DNAH6: variants seen among roughly 807,000 people sequenced by gnomAD.
The protein encoded by DNAH6 is dynein axonemal heavy chain 6.
DNAH6 carries 340 observed loss-of-function variants against 491.4 expected under a neutral mutation model. That is an observed-to-expected ratio of 0.69 (90% CI 0.63 to 0.76). The LOEUF (loss-of-function observed/expected upper bound fraction) is 0.76. Among genes scored for constraint, DNAH6 ranks in the 30% least tolerant of loss-of-function variants. The probability of loss-of-function intolerance (pLI) is 0.00; values close to 1 mark genes in which losing one functional copy is unlikely to be tolerated. For missense variants in DNAH6, 4,443 were observed against 4,972.2 expected, an observed-to-expected ratio of 0.89 and a Z score of 3.20; for synonymous variants, 1,603 against 1,686.1, an observed-to-expected ratio of 0.95 and a Z score of 1.21.
At chr2:84,690,620 C>T (rs1163030859) in intron 45 of DNAH6, among the ~76,000 whole-genome samples, 4 of 152,122 alleles carry the variant, frequency 2.6e-5, no homozygotes, top group African/African-American at 4.8e-5. Context: ...ATATTATGGA[C>T]GGAAATTAAA....
At chr2:84,697,230 A>G (rs112417712) in intron 46 of DNAH6, among the ~76,000 whole-genome samples, 6 of 152,340 alleles carry the variant, frequency 3.9e-5, no homozygotes, top group South Asian at 2.1e-4. Flanking sequence ...CATCAGCTCA[A>G]TGGTGCATTC....
chr2:84,703,934 A>G, intron 50 of DNAH6, 133 bp from the exon 51 acceptor site: 1 of 684,104 alleles, frequency 1.5e-6, no homozygotes, highest in East Asian at 2.7e-5. Flanking sequence ...AGAGCATAAA[A>G]TGCAATCTAG....
chr2:84,718,529 C>A, intron 59 of DNAH6, 145 bp downstream of exon 59: 2 of 550,844 alleles, frequency 3.6e-6, no homozygotes, highest in Non-Finnish European at 5.8e-6. Flanking sequence ...GCCTGCCTGT[C>A]AGGGCTCCTT....
chr2:84,470,620 A>G, the DNAH6 span, among the ~76,000 whole-genome samples: 1 of 152,120 alleles, frequency 6.6e-6, no homozygotes, highest in Non-Finnish European at 1.5e-5. Flanking sequence ...CAGCTCCTTT[A>G]CTGCAACTTG....
At chr2:84,741,066 G>A (rs767821503) in intron 62 of DNAH6, among the ~76,000 whole-genome samples, 1 of 152,230 alleles carries the variant, frequency 6.6e-6, no homozygotes, top group African/African-American at 2.4e-5. Context: ...CAGGCGAGCA[G>A]CATGGACGAG....
At chr2:84,583,872 T>C in intron 14 of DNAH6, 127 bp from the exon 15 acceptor site, 1 of 978,576 alleles carries the variant, frequency 1.0e-6, no homozygotes, top group East Asian at 2.5e-5. Context: ...GATATGTCTT[T>C]ATTAGCAGCA....
At chr2:84,759,437 A>C (rs186926427) in intron 63 of DNAH6, among the ~76,000 whole-genome samples, 1 of 152,244 alleles carries the variant, frequency 6.6e-6, no homozygotes, top group African/African-American at 2.4e-5. Context: ...TGAACCCAGG[A>C]GGCAGAGGTT....
At chr2:84,506,064 GTA>G in the DNAH6 span, among the ~76,000 whole-genome samples, 9 of 152,160 alleles carry the variant, frequency 5.9e-5, no homozygotes. Flanking sequence ...AATCCTTTGG[GTA>G]TATACCCAGT....
At chr2:84,461,141 G>A in the DNAH6 span, among the ~76,000 whole-genome samples, 1,724 of 152,274 alleles carry the variant, frequency 0.011, 31 homozygotes, top group East Asian at 0.066. Context: ...AGGCTTCAGA[G>A]GATGGTCTTC....
the DNAH6 span, among the ~76,000 whole-genome samples, chr2:84,465,234 G>A: frequency 4.1e-4 from 62 of 152,176 alleles, no homozygotes; most frequent in Non-Finnish European, 6.8e-4. Context: ...GGTGGCTAAC[G>A]CCTGTAATCC....
At chr2:84,611,651 C>T (rs2104340259) in intron 21 of DNAH6, 23 bp from the exon 22 acceptor site, 11 of 1,532,884 alleles carry the variant, frequency 7.2e-6, no homozygotes, top group African/African-American at 2.8e-5. Flanking sequence ...TAAAATTTGA[C>T]AGTGTCCATA....
At chr2:84,816,490 G>A (rs543122239) in intron 76 of DNAH6, among the ~76,000 whole-genome samples, 8 of 152,288 alleles carry the variant, frequency 5.3e-5, no homozygotes, top group South Asian at 2.1e-4. Context: ...TTGGGAGACC[G>A]AAGCAGATGA....
At chr2:84,501,759 G>C in the DNAH6 span, among the ~76,000 whole-genome samples, 1 of 149,578 alleles carries the variant, frequency 6.7e-6, no homozygotes, top group Non-Finnish European at 1.5e-5. Context: ...ATCTTGGTAG[G>C]TTGTAAGTGT....
intron 18 of DNAH6, among the ~76,000 whole-genome samples, chr2:84,598,741 G>C (rs1028966943): frequency 6.6e-6 from 1 of 152,070 alleles, no homozygotes; most frequent in Non-Finnish European, 1.5e-5. Flanking sequence ...TCTTAAAATT[G>C]TCATAATTGG....
chr2:84,611,681 G>A lies in DNAH6; in HGVS notation c.3302G>A (p.Trp1101Ter). 1 of 1,550,498 alleles carries A rather than the reference G, an allele frequency of 6.4e-7. No homozygotes were observed. Among genetic ancestry groups the A allele is most frequent in the Non-Finnish European group, 8.7e-7 (1 of 1,146,286 alleles). The change falls in exon 22 of 77, where the codon TGG (tryptophan) becomes TAG (stop). Residue 1101 changes from tryptophan (W) to a stop codon, truncating the protein, a stop_gained. Transcript: ENST00000389394. LOFTEE classifies it high-confidence loss of function. ...LALFNQTLEE[W>*]LTCQRNWLYL... ...TCCATATTTTTCTCCTAGGAAGAGT[G>A]GCTGACCTGCCAGAGAAACTGGCTC...
intron 65 of DNAH6, among the ~76,000 whole-genome samples, chr2:84,784,157 C>G (rs905492267): frequency 2.6e-5 from 4 of 152,234 alleles, no homozygotes; most frequent in Non-Finnish European, 5.9e-5. Context: ...TTTGAACCTA[C>G]AGTGGAGCTC....
intron 40 of DNAH6, 117 bp downstream of exon 40, chr2:84,672,601 G>T (rs1692841388): frequency 3.2e-6 from 3 of 934,328 alleles, no homozygotes; most frequent in Non-Finnish European, 4.8e-6. Context: ...TTACACAACA[G>T]AAATTTATTT....
intron 63 of DNAH6, among the ~76,000 whole-genome samples, chr2:84,751,989 T>C (rs1673515025): frequency 6.6e-6 from 1 of 152,248 alleles, no homozygotes; most frequent in East Asian, 1.9e-4. Flanking sequence ...GATGAGGTCA[T>C]ACATCGTTCC....
intron 70 of DNAH6, 79 bp downstream of exon 70, chr2:84,797,737 T>C: frequency 8.9e-7 from 1 of 1,125,874 alleles, no homozygotes; most frequent in African/African-American, 1.6e-5. Context: ...CCCCACTCAC[T>C]CTGGAAATTA....
Sources: gnomAD v4.1 joint callset for allele counts (sites outside exome capture counted in the v4.1 genomes callset) on GRCh38, gnomAD v4.1.1 for gene constraint, MANE v1.5 for transcripts, NCBI Gene and HGNC (gene_info 2026-07-23, HGNC 2026-07-21) for gene names.